Variants in TNRC6C observed in about 807,000 individuals in gnomAD.
TNRC6C encodes trinucleotide repeat containing adaptor 6C.
In TNRC6C, 20 loss-of-function variants were observed where a neutral mutation model predicts 153.7. The ratio of observed to expected loss-of-function variants is 0.13; its 90% confidence interval spans 0.09 to 0.19. TNRC6C has a LOEUF of 0.19. Among genes scored for constraint, TNRC6C ranks in the 10% least tolerant of loss-of-function variants. The probability of loss-of-function intolerance (pLI) is 1.00; values close to 1 mark genes in which losing one functional copy is unlikely to be tolerated. For synonymous variants in TNRC6C, 811 were observed against 841.4 expected (o/e 0.96, Z 0.63); for missense variants, 1,987 against 2,172.0 (o/e 0.91, Z 1.69).
chr17:77,979,689 T>C (rs1022155433), intron 1 of TNRC6C, among the ~76,000 whole-genome samples: 1 of 152,092 alleles, frequency 6.6e-6, no homozygotes, highest in African/African-American at 2.4e-5. Context: ...CTTGAGAATC[T>C]TCCAAAACTA....
At chr17:77,973,136 A>G (rs899338578) in intron 1 of TNRC6C, among the ~76,000 whole-genome samples, 1 of 152,098 alleles carries the variant, frequency 6.6e-6, no homozygotes, top group Non-Finnish European at 1.5e-5. Flanking sequence ...TGAACTCCTG[A>G]CTTCAGGTGA....
rs57078929 is a variant in TNRC6C at position 78,006,492 on chromosome 17, T to TTTCTTCTTC, written c.-546+1474_-546+1482dup. Among the ~76,000 whole-genome samples, 438 of 110,494 alleles carry TTTCTTCTTC rather than the reference T, an allele frequency of 4.0e-3. 4 individuals carry two copies. Among genetic ancestry groups the TTTCTTCTTC allele is most frequent in the East Asian group, 0.014 (52 of 3,664 alleles). The allele number at this position is 110,494 out of a possible 152,430, so 72.5% of individuals were successfully genotyped here. A position where few individuals can be genotyped will look rare whatever the true frequency, so the allele number is the denominator to read the frequency against. ...CATCCATTTCTTCTTCTTCTTCTTC[T>TTTCTTCTTC]TTCTTCTTCTTCTTCTTCTTCTTCT... On this transcript the variant is annotated intron_variant, in intron 1 of 19. Transcript: ENST00000301624.
chr17:78,059,068 G>A (rs2072714363), intron 3 of TNRC6C, among the ~76,000 whole-genome samples: 2 of 152,212 alleles, frequency 1.3e-5, no homozygotes, highest in Non-Finnish European at 2.9e-5. Context: ...GCAGAAGCCA[G>A]AGAGCAGTGG....
In TNRC6C at chr17:78,079,532, A is replaced by G. The variant is rs1305992605; in HGVS notation, c.3348A>G (p.Leu1116=). Reference sequence around the variant, plus strand: ...TCCGTGCTCAAGTGCCTCAGTTTCTATCCCCTCAGGTCAGACCCACATCCA... The same window carrying G: ...TCCGTGCTCAAGTGCCTCAGTTTCTGTCCCCTCAGGTCAGACCCACATCCA... The change falls in exon 10 of 20, where the codon CTA becomes CTG. Residue 1116 remains leucine, a synonymous_variant. Transcript: ENST00000301624. The surrounding 1 kb of genome is among the most constrained non-coding windows in gnomAD (Gnocchi z 4.3). 1.9e-6 allele frequency: 3 copies of G among 1,613,724 alleles called. No homozygotes were observed. The highest frequency in any genetic ancestry group is 3.3e-5 in the Admixed American group (2 of 59,966).
intron 1 of TNRC6C, among the ~76,000 whole-genome samples, chr17:77,979,515 A>C (rs897558557): frequency 2.0e-5 from 3 of 152,170 alleles, no homozygotes; most frequent in Non-Finnish European, 4.4e-5. Flanking sequence ...ATCAGAAGAC[A>C]ATATCCATAC....
At chr17:77,973,823 G>A (rs1425535732) in intron 1 of TNRC6C, among the ~76,000 whole-genome samples, 3 of 152,198 alleles carry the variant, frequency 2.0e-5, no homozygotes, top group Non-Finnish European at 4.4e-5. Flanking sequence ...ACATTGCTGA[G>A]AGAAATTAAA....
At position 78,075,554 on chromosome 17, in the gene TNRC6C, G is replaced by A. The variant is rs924750811; in HGVS notation, c.3060+276G>A. Among the ~76,000 whole-genome samples, 5 of 152,190 alleles carry A rather than the reference G, an allele frequency of 3.3e-5. No homozygotes were observed. Among genetic ancestry groups the A allele is most frequent in the African/African-American group, 7.2e-5 (3 of 41,442 alleles). ...GGTTATCTGCTTCAATTTGTCCAAT[G>A]GGCAAGGGTCATCAAATTTCCATTT... On this transcript the variant is annotated intron_variant, in intron 8 of 19. Transcript: ENST00000301624. This position sits in a 1 kb window ranked among gnomAD's most constrained non-coding sequence, Gnocchi z 4.2.
chr17:78,038,047 C>T (rs568818619), intron 2 of TNRC6C, among the ~76,000 whole-genome samples: 158 of 152,146 alleles, frequency 1.0e-3, no homozygotes, highest in Non-Finnish European at 1.8e-3. Context: ...AGATCAATAT[C>T]GAGTGCTAGA....
At chr17:77,964,672 G>A (rs1015862826) in intron 1 of TNRC6C, among the ~76,000 whole-genome samples, 14 of 152,194 alleles carry the variant, frequency 9.2e-5, no homozygotes, top group Admixed American at 7.2e-4. Flanking sequence ...TCTGAAACTG[G>A]GAAATGGCAA....
At chr17:78,018,534 C>A (rs963601764) in intron 1 of TNRC6C, among the ~76,000 whole-genome samples, 6 of 152,062 alleles carry the variant, frequency 3.9e-5, no homozygotes, top group African/African-American at 1.4e-4. Context: ...GGGATATTGA[C>A]ATGTTTGGGG....
chr17:78,092,160 C>CTCAAGCATTTAAAT (rs2073406080), intron 14 of TNRC6C, among the ~76,000 whole-genome samples: 1 of 152,210 alleles, frequency 6.6e-6, no homozygotes, highest in African/African-American at 2.4e-5. Flanking sequence ...AAATTTAACT[C>CTCAAGCATTTAAAT]TGAACTTCCT....
chr17:78,026,919 A>T (rs2071952215), intron 1 of TNRC6C, among the ~76,000 whole-genome samples: 1 of 152,182 alleles, frequency 6.6e-6, no homozygotes. Context: ...AATAGAAATG[A>T]CAAGGTTTGG....
chr17:78,032,201 T>G (rs530463744), intron 2 of TNRC6C, among the ~76,000 whole-genome samples: 1 of 152,342 alleles, frequency 6.6e-6, no homozygotes, highest in South Asian at 2.1e-4. Flanking sequence ...GTCTGTCTTA[T>G]GAGTGCACAC....
At chr17:77,992,972 TA>T (rs2071274650) in intron 1 of TNRC6C, among the ~76,000 whole-genome samples, 3 of 152,192 alleles carry the variant, frequency 2.0e-5, no homozygotes, top group Non-Finnish European at 4.4e-5. Context: ...ATTTTATTTT[TA>T]TTTTTTTTTT....
At chr17:78,102,719 G>A in intron 18 of TNRC6C, 175 bp downstream of exon 21, 1 of 588,098 alleles carries the variant, frequency 1.7e-6, no homozygotes, top group East Asian at 3.1e-5. Flanking sequence ...TCCAGCAGCG[G>A]CAGCAGATGG....
At chr17:78,030,083 T>C (rs2072033348) in intron 1 of TNRC6C, among the ~76,000 whole-genome samples, 1 of 152,200 alleles carries the variant, frequency 6.6e-6, no homozygotes, top group Non-Finnish European at 1.5e-5. Context: ...AAACCAGTAA[T>C]ATAGTTATTA....
At position 78,104,630 on chromosome 17, in the gene TNRC6C, G is replaced by A. The variant is rs1329773464; in HGVS notation, c.4858G>A (p.Gly1620Ser). The A allele has an allele frequency of 6.5e-7, 1 of 1,548,366 alleles. No individual in the cohort carries two copies. Among genetic ancestry groups the A allele is most frequent in the Admixed American group, 2.0e-5 (1 of 51,076 alleles). The change falls in exon 20 of 20, where the codon GGC becomes AGC. Residue 1620 changes from glycine (G) to serine (S), a missense_variant. Physicochemically the swap from Gly to Ser is moderately conservative, Grantham distance 56. Transcript: ENST00000301624. This position sits in a 1 kb window ranked among gnomAD's most constrained non-coding sequence, Gnocchi z 6.2. Reference sequence around the variant, plus strand: ...CAGCCAGCCGCGGCTCAGCGCAGCGGGCAGCTCCCATGGCCTGGTACGCAG... The same window carrying A: ...CAGCCAGCCGCGGCTCAGCGCAGCGAGCAGCTCCCATGGCCTGGTACGCAG...
At chr17:78,014,340 A>G (rs1391274674) in intron 1 of TNRC6C, among the ~76,000 whole-genome samples, 1 of 152,208 alleles carries the variant, frequency 6.6e-6, no homozygotes, top group Admixed American at 6.5e-5. Context: ...GGAGAGAGTT[A>G]TGATCAATGT....
exon 11 of TNRC6C, chr17:78,083,110 T>G (rs754481810): frequency 6.2e-7 from 1 of 1,614,022 alleles, no homozygotes; most frequent in East Asian, 2.2e-5. Context: ...ACTATTAACC[T>G]CGCCAATTAA....
Sources: allele counts gnomAD v4.1 joint callset (sites outside exome capture counted in the v4.1 genomes callset), GRCh38; gene constraint gnomAD v4.1.1; non-coding constraint Gnocchi (gnomAD v3.1); transcripts MANE v1.5; gene names NCBI Gene and HGNC (gene_info 2026-07-23, HGNC 2026-07-21).